The following ORC1 variants were observed in gnomAD, a reference collection of about 807,000 sequenced individuals.
ORC1 encodes the protein origin recognition complex, subunit 1 homolog.
ORC1 carries 61 observed loss-of-function variants against 98.9 expected under a neutral mutation model. That is an observed-to-expected ratio of 0.62 (90% CI 0.50 to 0.76). ORC1 has a LOEUF of 0.76. Among genes scored for constraint, ORC1 ranks in the 30% least tolerant of loss-of-function variants. ORC1 has a pLI of 0.00. For synonymous variants in ORC1, 385 were observed against 406.9 expected, an observed-to-expected ratio of 0.95 and a Z score of 0.65; for missense variants, 979 against 1,072.2, an observed-to-expected ratio of 0.91 and a Z score of 1.21.
intron 3 of ORC1, 53 bp downstream of exon 3, chr1:52,401,309 C>G (rs917865076): frequency 6.2e-7 from 1 of 1,609,936 alleles, no homozygotes; most frequent in Non-Finnish European, 8.5e-7. Context: ...AATCTCCCCA[C>G]CTCCCAATCA....
chr1:52,391,492 CCA>C (rs1215485809), intron 6 of ORC1, among the ~76,000 whole-genome samples: 4 of 152,050 alleles, frequency 2.6e-5, no homozygotes, highest in Admixed American at 1.3e-4. Context: ...AGCAGACAAC[CCA>C]CAGAGTGGGA....
At chr1:52,405,668 T>C (rs1647964860), upstream of ORC1, 1 of 1,612,376 alleles carries the variant, frequency 6.2e-7, no homozygotes, top group Non-Finnish European at 8.5e-7. Flanking sequence ...CTGTATTGTT[T>C]TTGTTTTTTA....
chr1:52,407,087 G>A (rs550010101), upstream of ORC1, among the ~76,000 whole-genome samples: 5 of 152,212 alleles, frequency 3.3e-5, no homozygotes, highest in Admixed American at 1.3e-4. Context: ...GCGCAGTCTC[G>A]GCTCACTGCA....
chr1:52,391,835 T>G (rs932775653), intron 6 of ORC1, among the ~76,000 whole-genome samples: 2 of 150,554 alleles, frequency 1.3e-5, no homozygotes, highest in African/African-American at 4.9e-5. Context: ...GAGGCAAAGG[T>G]TGTAGTGAGC....
At chr1:52,388,385 A>G in intron 8 of ORC1, 57 bp downstream of exon 8, 2 of 1,410,344 alleles carry the variant, frequency 1.4e-6, no homozygotes, top group Non-Finnish European at 2.0e-6. Context: ...CAGCATTTGT[A>G]ACTTTTAAAC....
intron 14 of ORC1, among the ~76,000 whole-genome samples, chr1:52,380,622 A>G (rs1056189531): frequency 1.7e-4 from 26 of 151,978 alleles, no homozygotes; most frequent in Admixed American, 6.6e-4. Flanking sequence ...TTGAACCTAG[A>G]AGGCGGAGGT....
chr1:52,406,240 C>A (rs566623286), upstream of ORC1, among the ~76,000 whole-genome samples: 32 of 152,208 alleles, frequency 2.1e-4, no homozygotes, highest in Non-Finnish European at 3.5e-4. Context: ...CCCCTCCCCC[C>A]CCGGGCCTCC....
intron 15 of ORC1, 137 bp downstream of exon 15, chr1:52,375,291 TTC>T (rs1275578948): frequency 5.0e-6 from 4 of 807,214 alleles, no homozygotes; most frequent in Non-Finnish European, 2.1e-6. Context: ...AGGGTTATAT[TTC>T]TGTTTCCCTG....
chr1:52,384,042 G>T (rs1415030413), intron 11 of ORC1, 105 bp from the exon 12 acceptor site: 11 of 875,582 alleles, frequency 1.3e-5, no homozygotes. Flanking sequence ...GAGGACTTCG[G>T]TATCCTATAT....
At chr1:52,379,905 C>T (rs1350655891) in intron 14 of ORC1, among the ~76,000 whole-genome samples, 1 of 152,008 alleles carries the variant, frequency 6.6e-6, no homozygotes, top group East Asian at 1.9e-4. Context: ...CGCACTCCAG[C>T]CTGGCGACAG....
intron 6 of ORC1, 82 bp from the exon 7 acceptor site, chr1:52,389,403 C>T (rs113162572): frequency 2.2e-6 from 2 of 918,300 alleles, no homozygotes; most frequent in Non-Finnish European, 1.8e-6. Flanking sequence ...AGTCAAGTGG[C>T]CTGATTGGCT....
chr1:52,397,311 A>G (rs1647449591), intron 4 of ORC1, among the ~76,000 whole-genome samples: 1 of 152,186 alleles, frequency 6.6e-6, no homozygotes, highest in Non-Finnish European at 1.5e-5. Context: ...ATTTGTCTGT[A>G]GCAACTAGCA....
chr1:52,375,687 TAAAG>T, intron 14 of ORC1, 88 bp from the exon 15 acceptor site: 1 of 1,242,192 alleles, frequency 8.1e-7, no homozygotes, highest in Non-Finnish European at 1.2e-6. Flanking sequence ...GACATAAGCG[TAAAG>T]TTAAGTACTT....
At chr1:52,393,950 C>G in intron 5 of ORC1, 147 bp from the exon 6 acceptor site, 1 of 859,958 alleles carries the variant, frequency 1.2e-6, no homozygotes, top group Non-Finnish European at 1.8e-6. Context: ...TTCTCCAGCC[C>G]AGGTAGCTCT....
rs1187115382 is a variant in ORC1 at position 52,381,727 on chromosome 1, T to A, written c.2048A>T (p.Tyr683Phe). The A allele has an allele frequency of 1.2e-6, 2 of 1,613,534 alleles. No individual in the cohort carries two copies. The highest frequency in any genetic ancestry group is 8.5e-7 in the Non-Finnish European group (1 of 1,179,694). ...CCTTAGGATCTGCTGCAGCTGGCTA[T>A]ATGTATAGGGCTGGAAGCACATCCT... ...LTRMCFQPYT[Y>F]SQLQQILRSR... Residue 683 changes from tyrosine to phenylalanine, a missense_variant, in exon 14 of 17, where the codon TAT (tyrosine) becomes TTT (phenylalanine). Transcript: ENST00000371568.
chr1:52,385,805 G>T, intron 9 of ORC1, 47 bp downstream of exon 9: 1 of 1,236,866 alleles, frequency 8.1e-7, no homozygotes, highest in Non-Finnish European at 1.2e-6. Flanking sequence ...GAAAGCAGAG[G>T]CCCCATGGTT....
chr1:52,381,091 A>G (rs1158376498), intron 14 of ORC1, among the ~76,000 whole-genome samples: 1 of 152,202 alleles, frequency 6.6e-6, no homozygotes, highest in African/African-American at 2.4e-5. Context: ...TTTGTTCCTC[A>G]GCAGCCGGGG....
intron 10 of ORC1, 117 bp downstream of exon 10, chr1:52,385,043 AT>A: frequency 2.5e-6 from 2 of 798,068 alleles, no homozygotes; most frequent in Non-Finnish European, 4.5e-6. Flanking sequence ...TTCAGCAACG[AT>A]TTGGTCTAGT....
chr1:52,399,610 C>A (rs1230903410), intron 3 of ORC1, among the ~76,000 whole-genome samples: 2 of 128,290 alleles, frequency 1.6e-5, no homozygotes, highest in African/African-American at 3.2e-5. Context: ...GGCGACACAG[C>A]GAGACTCTGT....
Sources: allele counts gnomAD v4.1 joint callset (sites outside exome capture counted in the v4.1 genomes callset), GRCh38; gene constraint gnomAD v4.1.1; transcripts MANE v1.5; gene names NCBI Gene and HGNC (gene_info 2026-07-23, HGNC 2026-07-21).